PCDH15: variants seen among roughly 807,000 people sequenced by gnomAD.
The protein encoded by PCDH15 is protocadherin-15.
Under a neutral mutation model 178.5 loss-of-function variants are expected in PCDH15, and 129 were observed. The observed-to-expected ratio is 0.72, with a 90% CI of 0.63 to 0.84. The LOEUF is 0.84. Ranked by LOEUF, PCDH15 falls within the 40% of genes least tolerant of loss-of-function variation. The pLI is 0.00. For synonymous variants in PCDH15, 800 were observed against 732.0 expected (o/e 1.09, Z -1.50); for missense variants, 2,230 against 2,099.9 (o/e 1.06, Z -1.21).
chr10:54,635,158 C>A (rs533181029), intron 2 of PCDH15, among the ~76,000 whole-genome samples: 2 of 79,284 alleles, frequency 2.5e-5, no homozygotes, highest in South Asian at 3.3e-4. Context: ...TACAAATAGT[C>A]TCCTATAAAT....
At chr10:54,144,779 A>G (rs990582945) in intron 14 of PCDH15, among the ~76,000 whole-genome samples, 1 of 152,006 alleles carries the variant, frequency 6.6e-6, no homozygotes, top group Admixed American at 6.6e-5. Context: ...TTTAAGTCTC[A>G]TTTTACAAAA....
chr10:54,834,133 G>A (rs931837061), intron 3 of PCDH15, among the ~76,000 whole-genome samples: 3 of 151,716 alleles, frequency 2.0e-5, no homozygotes, highest in Non-Finnish European at 4.4e-5. Context: ...GACATCCAGT[G>A]CCTAACACAT....
chr10:55,190,184 A>G (rs1839905349), intron 1 of PCDH15, among the ~76,000 whole-genome samples: 2 of 151,842 alleles, frequency 1.3e-5, no homozygotes, highest in Non-Finnish European at 2.9e-5. Context: ...ATGAAATTCA[A>G]GAACAGACAA....
At chr10:53,940,131 T>C (rs974094779) in intron 24 of PCDH15, among the ~76,000 whole-genome samples, 1 of 152,146 alleles carries the variant, frequency 6.6e-6, no homozygotes, top group Non-Finnish European at 1.5e-5. Context: ...TACTATTGAT[T>C]AACTTATTAC....
chr10:54,643,772 CT>C (rs71010400), intron 2 of PCDH15, among the ~76,000 whole-genome samples: 16,606 of 116,606 alleles, frequency 0.14, 1,087 homozygotes, highest in African/African-American at 0.24. Context: ...CAGTTATTTT[CT>C]TTTTTTTTTT....
chr10:54,547,443 C>A (rs2085988387), intron 2 of PCDH15, among the ~76,000 whole-genome samples: 1 of 152,108 alleles, frequency 6.6e-6, no homozygotes, highest in African/African-American at 2.4e-5. Flanking sequence ...CCACCACCTA[C>A]AATCAGAAAT....
chr10:55,015,965 TTGTAAGGGCCTA>T (rs2131948339), intron 2 of PCDH15, among the ~76,000 whole-genome samples: 1 of 152,022 alleles, frequency 6.6e-6, no homozygotes, highest in African/African-American at 2.4e-5. Flanking sequence ...GGCTGGGAAT[TTGTAAGGGCCTA>T]TGCTTTCCAT....
intron 18 of PCDH15, among the ~76,000 whole-genome samples, chr10:54,061,925 C>G (rs1435068127): frequency 6.6e-6 from 1 of 152,106 alleles, no homozygotes; most frequent in Non-Finnish European, 1.5e-5. Flanking sequence ...TACAACACTA[C>G]CTTTAAAAAC....
At chr10:55,072,680 C>T (rs1841782127) in intron 2 of PCDH15, among the ~76,000 whole-genome samples, 1 of 152,002 alleles carries the variant, frequency 6.6e-6, no homozygotes, top group African/African-American at 2.4e-5. Context: ...CAAGGAGGAA[C>T]TGGTACCATT....
chr10:54,001,483 C>T (rs896813451), intron 20 of PCDH15, among the ~76,000 whole-genome samples: 1 of 151,914 alleles, frequency 6.6e-6, no homozygotes, highest in Non-Finnish European at 1.5e-5. Flanking sequence ...TCTGTTTATG[C>T]AAACAGTGTT....
intron 2 of PCDH15, among the ~76,000 whole-genome samples, chr10:54,905,911 A>T (rs1420013073): frequency 2.6e-5 from 4 of 152,126 alleles, no homozygotes; most frequent in Admixed American, 6.5e-5. Flanking sequence ...AAATATGCTC[A>T]GATTTACTTT....
intron 3 of PCDH15, among the ~76,000 whole-genome samples, chr10:54,404,607 A>G (rs1324744990): frequency 1.3e-5 from 2 of 152,168 alleles, no homozygotes; most frequent in African/African-American, 4.8e-5. Flanking sequence ...TGGCATGACC[A>G]AGATGCCAAA....
intron 3 of PCDH15, among the ~76,000 whole-genome samples, chr10:54,507,557 T>A (rs1386804561): frequency 2.6e-5 from 4 of 151,942 alleles, no homozygotes; most frequent in Non-Finnish European, 4.4e-5. Flanking sequence ...TTTATTAGAT[T>A]CTTTTTGCTT....
intron 3 of PCDH15, among the ~76,000 whole-genome samples, chr10:54,439,018 ATTC>A (rs2075622432): frequency 2.0e-5 from 3 of 152,208 alleles, no homozygotes; most frequent in African/African-American, 7.2e-5. Flanking sequence ...AGACTTAACT[ATTC>A]TTCTGTAATT....
chr10:54,032,035 T>A (rs892088072), intron 18 of PCDH15, among the ~76,000 whole-genome samples: 2 of 152,012 alleles, frequency 1.3e-5, no homozygotes, highest in African/African-American at 4.8e-5. Context: ...GTAAAAAAAA[T>A]TATATATTAA....
chr10:53,972,075 G>T (rs2089748262), intron 21 of PCDH15, among the ~76,000 whole-genome samples: 1 of 152,080 alleles, frequency 6.6e-6, no homozygotes, highest in South Asian at 2.1e-4. Flanking sequence ...GCATGATACT[G>T]GTACCAAAAC....
chr10:55,498,004 T>C (rs1840573849), intron 2 of PCDH15, among the ~76,000 whole-genome samples: 1 of 151,830 alleles, frequency 6.6e-6, no homozygotes, highest in South Asian at 2.1e-4. Flanking sequence ...TTAGCCTATA[T>C]CTACTCTTAA....
chr10:55,172,646 T>C (rs920589961), intron 1 of PCDH15, among the ~76,000 whole-genome samples: 1 of 152,070 alleles, frequency 6.6e-6, no homozygotes, highest in East Asian at 1.9e-4. Context: ...AGTATGTATT[T>C]AGTCATTACA....
intron 2 of PCDH15, among the ~76,000 whole-genome samples, chr10:55,603,812 G>C (rs1211044910): frequency 2.0e-5 from 3 of 148,092 alleles, no homozygotes; most frequent in East Asian, 2.0e-4. Flanking sequence ...AAAGACCATC[G>C]AGACTAGGAA....
Sources: gnomAD v4.1 joint callset for allele counts (sites outside exome capture counted in the v4.1 genomes callset) on GRCh38, gnomAD v4.1.1 for gene constraint, MANE v1.5 for transcripts, NCBI Gene and HGNC (gene_info 2026-07-23, HGNC 2026-07-21) for gene names.